The following PCDHA7 variants were observed in gnomAD, a reference collection of about 807,000 sequenced individuals.
PCDHA7 encodes the protein protocadherin alpha 7.
A neutral mutation model predicts 57.2 loss-of-function variants in PCDHA7; 37 were observed. The ratio of observed to expected loss-of-function variants is 0.65; its 90% CI spans 0.50 to 0.85. The LOEUF (loss-of-function observed/expected upper bound fraction) is 0.85. Among genes scored for constraint, PCDHA7 ranks in the 40% least tolerant of loss-of-function variants. The pLI is 0.00. For missense variants in PCDHA7, 1,188 were observed against 1,241.8 expected, an observed-to-expected ratio of 0.96 and a Z score of 0.65; for synonymous variants, 553 against 558.8, an observed-to-expected ratio of 0.99 and a Z score of 0.15.
intron 1 of PCDHA7, chr5:140,849,388 T>G: frequency 6.5e-7 from 1 of 1,533,538 alleles, no homozygotes; most frequent in Non-Finnish European, 8.9e-7. Context: ...ATGGACCCCT[T>G]AAGTGGGGCA....
intron 1 of PCDHA7, among the ~76,000 whole-genome samples, chr5:140,952,271 G>A (rs561917046): frequency 6.6e-6 from 1 of 151,646 alleles, no homozygotes; most frequent in East Asian, 2.0e-4. Flanking sequence ...CTGGGGTCTT[G>A]AGGGTGGTGG....
chr5:140,886,189 G>A (rs2060889525), intron 1 of PCDHA7, among the ~76,000 whole-genome samples: 1 of 152,090 alleles, frequency 6.6e-6, no homozygotes. Context: ...ATGCTGGCAA[G>A]CAGTAATCTG....
intron 1 of PCDHA7, chr5:140,849,768 G>C (rs2150449044): frequency 6.3e-7 from 1 of 1,598,502 alleles, no homozygotes; most frequent in East Asian, 2.2e-5. Context: ...CGAGCTGGTG[G>C]TTACCGCGCG....
intron 1 of PCDHA7, chr5:140,869,386 C>T: frequency 6.2e-7 from 1 of 1,614,176 alleles, no homozygotes; most frequent in Non-Finnish European, 8.5e-7. Context: ...CCGCGAGGAG[C>T]TGTGCGGGCA....
chr5:140,842,127 C>T (rs2150329918), intron 1 of PCDHA7: 1 of 1,613,572 alleles, frequency 6.2e-7, no homozygotes, highest in Non-Finnish European at 8.5e-7. Flanking sequence ...GCTTCTGATC[C>T]GGATGAAGGA....
rs2154002003 is a variant in PCDHA7, at chr5:141,010,389, G to GAC, written c.*453_*454dup. The stretch of plus-strand genomic sequence containing the variant: ...TATGCGAGTGCCAGATATTGGCTGA[G>GAC]ACGAGCCAGCTTAGACTAATTGGTA... On this transcript the variant is annotated 3_prime_UTR_variant, in exon 4 of 4. Coordinates refer to ENST00000525929, the MANE Select transcript of PCDHA7 (RefSeq NM_018910.3). 1.4e-6 allele frequency: 2 copies of GAC among 1,400,314 alleles called. No individual in the cohort carries two copies. The highest frequency in any genetic ancestry group is 5.0e-5 in the East Asian group (2 of 40,030). The allele number at this position is 1,400,314 out of a possible 1,614,324, so 86.7% of individuals were successfully genotyped here. A position where few individuals can be genotyped will look rare whatever the true frequency, so the allele number is the denominator to read the frequency against.
intron 1 of PCDHA7, chr5:140,863,626 A>G (rs2048099492): frequency 3.1e-6 from 1 of 320,146 alleles, no homozygotes; most frequent in African/African-American, 2.2e-5. Context: ...AGTGACATTG[A>G]TAATGTTCAC....
At chr5:140,841,883 G>T in intron 1 of PCDHA7, 1 of 1,613,836 alleles carries the variant, frequency 6.2e-7, no homozygotes, top group East Asian at 2.2e-5. Context: ...AAAGAACGAT[G>T]AGAATAAACT....
intron 1 of PCDHA7, among the ~76,000 whole-genome samples, chr5:140,879,977 C>T (rs1285167233): frequency 6.6e-6 from 1 of 152,174 alleles, no homozygotes; most frequent in African/African-American, 2.4e-5. Flanking sequence ...AAACTCCTTT[C>T]AAGATCCTTA....
intron 2 of PCDHA7, among the ~76,000 whole-genome samples, chr5:140,980,460 T>G (rs1554241839): frequency 6.6e-6 from 1 of 152,134 alleles, no homozygotes; most frequent in Non-Finnish European, 1.5e-5. Flanking sequence ...TGAAACCCTG[T>G]CTCTACTAAA....
chr5:140,856,884 C>T, intron 1 of PCDHA7: 1 of 1,596,124 alleles, frequency 6.3e-7, no homozygotes. Context: ...ATGATGTATT[C>T]ATTTAGCTCT....
chr5:140,906,985 G>A (rs1418384427), intron 1 of PCDHA7, among the ~76,000 whole-genome samples: 1 of 152,170 alleles, frequency 6.6e-6, no homozygotes, highest in East Asian at 1.9e-4. Context: ...TCTGGTGGCA[G>A]CATTCCTCCC....
At chr5:140,993,509 CGGGGAGAG>C (rs2097568152) in intron 3 of PCDHA7, among the ~76,000 whole-genome samples, 1 of 143,490 alleles carries the variant, frequency 7.0e-6, no homozygotes, top group Non-Finnish European at 1.5e-5. Flanking sequence ...CACACACACA[CGGGGAGAG>C]AGAGACAGAG....
chr5:140,835,638 T>A lies in PCDHA7; in HGVS notation c.1255T>A (p.Ser419Thr). ...CAGCGCTCTGGACCGCGAGAGTGTG[T>A]CCGCCTATGAGCTGGTGGTTACCGC... is the stretch of plus-strand genomic sequence containing the variant. ...LDSALDRESV[S>T]AYELVVTARD... is the part of the protein sequence containing the mutation. Residue 419 changes from serine (S) to threonine (T), a missense_variant, in exon 1 of 4, where the codon TCC becomes ACC. Physicochemically the swap from Ser to Thr is moderately conservative, Grantham distance 58 (BLOSUM62 1). Transcript: ENST00000525929. 1 of 1,613,926 alleles carries A rather than the reference T, an allele frequency of 6.2e-7. No individual in the cohort carries two copies.
intron 1 of PCDHA7, among the ~76,000 whole-genome samples, chr5:140,933,480 G>A (rs1255769578): frequency 6.6e-6 from 1 of 151,846 alleles, no homozygotes; most frequent in East Asian, 1.9e-4. Context: ...ACACATTATG[G>A]TTATTCTTTA....
intron 1 of PCDHA7, among the ~76,000 whole-genome samples, chr5:140,881,159 T>A (rs1375537883): frequency 6.6e-6 from 1 of 152,188 alleles, no homozygotes; most frequent in Non-Finnish European, 1.5e-5. Context: ...AAAAGTAAGA[T>A]CCTCTTCCTC....
At chr5:140,891,330 T>G (rs995602420) in intron 1 of PCDHA7, among the ~76,000 whole-genome samples, 14 of 152,108 alleles carry the variant, frequency 9.2e-5, no homozygotes, top group Non-Finnish European at 1.9e-4. Flanking sequence ...TGGTGGTGAT[T>G]TGTGAGATTT....
intron 3 of PCDHA7, among the ~76,000 whole-genome samples, chr5:140,994,342 T>C (rs571225967): frequency 1.3e-5 from 2 of 152,288 alleles, no homozygotes; most frequent in South Asian, 4.1e-4. Flanking sequence ...ACAGTGGATG[T>C]TGTGGGACCT....
At chr5:140,881,471 G>T (rs1420508750) in intron 1 of PCDHA7, 1 of 555,772 alleles carries the variant, frequency 1.8e-6, no homozygotes, top group Non-Finnish European at 2.3e-6. Flanking sequence ...CATTGTTGTG[G>T]CTAAATTATT....
Sources: gnomAD v4.1 joint callset for allele counts (sites outside exome capture counted in the v4.1 genomes callset) on GRCh38, gnomAD v4.1.1 for gene constraint, MANE v1.5 for transcripts, NCBI Gene and HGNC (gene_info 2026-07-23, HGNC 2026-07-21) for gene names.